The following NEDD9 variants were observed in gnomAD, a reference collection of about 807,000 sequenced individuals.
NEDD9 encodes the protein neural precursor cell expressed, developmentally down-regulated 9.
Under a neutral mutation model 76.6 loss-of-function variants are expected in NEDD9, and 26 were observed. That is an observed-to-expected ratio of 0.34 (90% confidence interval 0.25 to 0.47). The LOEUF is 0.47. Ranked by LOEUF, NEDD9 falls within the 20% of genes least tolerant of loss-of-function variation. The pLI is 1.00. For missense variants in NEDD9, 937 were observed against 1,058.5 expected, an observed-to-expected ratio of 0.89 and a Z score of 1.59; for synonymous variants, 392 against 414.2, an observed-to-expected ratio of 0.95 and a Z score of 0.65.
In NEDD9 at chr6:11,265,009, G is replaced by C. The variant is rs116078068; in HGVS notation, c.12+40983C>G. Among the ~76,000 whole-genome samples the C allele has an allele frequency of 8.8e-3, 1,339 of 152,272 alleles. 13 individuals are homozygous for C. Among genetic ancestry groups the C allele is most frequent in the Non-Finnish European group, 0.016 (1,090 of 68,014 alleles). ...CCACTGCTCCCAGCCAGCTCTATAGGTTTTGCACATTTTCTTAAATTATAG... is the reference window on the plus strand; with the variant it reads ...CCACTGCTCCCAGCCAGCTCTATAGCTTTTGCACATTTTCTTAAATTATAG... On this transcript the variant is annotated intron_variant, in intron 3 of 3. Transcript: ENST00000397378.
intron 1 of NEDD9, among the ~76,000 whole-genome samples, chr6:11,373,966 T>C (rs62395343): frequency 0.046 from 6,973 of 152,166 alleles, 258 homozygotes; most frequent in Non-Finnish European, 0.07. Flanking sequence ...TCTTCCCTGA[T>C]CTCCAGCTTG....
chr6:11,338,982 T>A (rs1762220577), intron 1 of NEDD9, among the ~76,000 whole-genome samples: 2 of 152,046 alleles, frequency 1.3e-5, no homozygotes, highest in Admixed American at 1.3e-4. Context: ...TCTTTTTTAA[T>A]TTTTTCAACC....
At position 11,205,597 on chromosome 6, in the gene NEDD9, C is replaced by A. The variant is rs535917323; in HGVS notation, c.459+7684G>T. On this transcript the variant is annotated intron_variant, in intron 2 of 6. Coordinates refer to ENST00000379446, the MANE Select transcript of NEDD9 (RefSeq NM_006403.4). Reference sequence around the variant, plus strand: ...TCCCTTTAAAGAGAGGACTCCTTGGCACTCTTCAAATGTTACTGGAGTTAC... The same window carrying A: ...TCCCTTTAAAGAGAGGACTCCTTGGAACTCTTCAAATGTTACTGGAGTTAC... Among the ~76,000 whole-genome samples, 5 of 151,702 alleles carry A rather than the reference C, an allele frequency of 3.3e-5. No homozygotes were observed. The South Asian group carries it at 8.3e-4, about 25-fold the overall frequency.
intron 1 of NEDD9, among the ~76,000 whole-genome samples, chr6:11,340,492 G>T (rs148682766): frequency 3.3e-5 from 5 of 152,098 alleles, no homozygotes; most frequent in Non-Finnish European, 1.5e-5. Flanking sequence ...TCATTTAATC[G>T]TCATAATATC....
chr6:11,308,064 T>A (rs1478985689), intron 2 of NEDD9, among the ~76,000 whole-genome samples: 1 of 152,162 alleles, frequency 6.6e-6, no homozygotes, highest in Non-Finnish European at 1.5e-5. Flanking sequence ...CTGGTCTTTG[T>A]GGGCTCTTCC....
At chr6:11,239,657 A>G (rs1239868754) in intron 3 of NEDD9, among the ~76,000 whole-genome samples, 1 of 152,208 alleles carries the variant, frequency 6.6e-6, no homozygotes, top group Non-Finnish European at 1.5e-5. Context: ...AAGAGACCTC[A>G]TGAAGGCTAC....
intron 3 of NEDD9, among the ~76,000 whole-genome samples, chr6:11,269,017 G>A (rs1028954306): frequency 2.6e-5 from 4 of 152,080 alleles, no homozygotes; most frequent in East Asian, 3.8e-4. Flanking sequence ...TTTTCCTCTC[G>A]TCTTAAAACA....
intron 2 of NEDD9, among the ~76,000 whole-genome samples, chr6:11,313,214 T>TGATG (rs149380871): frequency 4.0e-5 from 6 of 151,774 alleles, no homozygotes; most frequent in African/African-American, 7.3e-5. Flanking sequence ...GGTAGATATA[T>TGATG]GATGGATGGA....
Position 11,222,544 on chromosome 6 carries a change from G to A in NEDD9, c.13-8817C>T, listed in dbSNP as rs1165760588. The stretch of plus-strand genomic sequence containing the variant: ...AACCTTCATTGTGAAATTGTTCAGT[G>A]CCGAGGTGGAGAGACAAGCTCTTAC... On this transcript the variant is annotated intron_variant, in intron 1 of 6. Coordinates refer to ENST00000379446, the MANE Select transcript of NEDD9 (RefSeq NM_006403.4). 2.6e-5 allele frequency among the ~76,000 whole-genome samples: 4 copies of A among 152,352 alleles called. No homozygotes were observed. The East Asian group carries it at 7.7e-4, about 29-fold the overall frequency.
chr6:11,284,193 A>G (rs1202281961), intron 3 of NEDD9, among the ~76,000 whole-genome samples: 1 of 152,124 alleles, frequency 6.6e-6, no homozygotes, highest in Non-Finnish European at 1.5e-5. Flanking sequence ...GATGTCTGAC[A>G]TAGCATCTTA....
chr6:11,364,298 G>A (rs533081534), intron 1 of NEDD9, among the ~76,000 whole-genome samples: 8 of 152,248 alleles, frequency 5.3e-5, no homozygotes, highest in East Asian at 3.9e-4. Context: ...AGGACTCTTG[G>A]TAGCTCATGT....
Position 11,213,371 on chromosome 6 carries a change from G to A in NEDD9, c.369C>T (p.Gly123=), listed in dbSNP as rs1758843219. 6.2e-7 allele frequency: 1 copy of A among 1,613,968 alleles called. No homozygotes were observed. The highest frequency in any genetic ancestry group is 8.5e-7 in the Non-Finnish European group (1 of 1,180,034). Residue 123 remains glycine, a synonymous_variant, in exon 2 of 7, where the codon GGC becomes GGT. Coordinates refer to ENST00000379446, the MANE Select transcript of NEDD9 (RefSeq NM_006403.4). The surrounding 1 kb of genome is among the most constrained non-coding windows in gnomAD (Gnocchi z 5.4). ...ATACCTCTTGTTCTTGGGTGCCGTG[G>A]CCAGTGGGGACTTGGTAAATTCCCT... is the stretch of plus-strand genomic sequence containing the variant. ...QNQGIYQVPT[G]HGTQEQEVYQ... is the part of the protein sequence containing the mutation.
At chr6:11,186,117 C>T (rs888078665) in intron 6 of NEDD9, among the ~76,000 whole-genome samples, 6 of 152,180 alleles carry the variant, frequency 3.9e-5, no homozygotes, top group East Asian at 3.9e-4. Context: ...TGCTCCTTCT[C>T]GGAGAAAGCC....
upstream of NEDD9, chr6:11,233,249 G>A: frequency 1.9e-6 from 1 of 518,788 alleles, no homozygotes; most frequent in Non-Finnish European, 3.8e-6. Context: ...AGTACTTTGC[G>A]ATGTCAGTCT....
intron 1 of NEDD9, among the ~76,000 whole-genome samples, chr6:11,368,196 G>A (rs1316286367): frequency 5.9e-5 from 9 of 152,132 alleles, no homozygotes; most frequent in Non-Finnish European, 8.8e-5. Context: ...CAGGGCTGGG[G>A]GGTACCCAGA....
intron 1 of NEDD9, among the ~76,000 whole-genome samples, chr6:11,378,936 G>A (rs1763013939): frequency 6.6e-6 from 1 of 152,220 alleles, no homozygotes; most frequent in African/African-American, 2.4e-5. Context: ...ACCATACAAT[G>A]GAGCTTGTGT....
chr6:11,215,945 A>C (rs115172736), intron 1 of NEDD9, among the ~76,000 whole-genome samples: 2 of 152,196 alleles, frequency 1.3e-5, no homozygotes, highest in Non-Finnish European at 2.9e-5. Context: ...GGAGCACCGG[A>C]GCATGCTTGA....
chr6:11,263,513 T>G (rs1760151204), intron 3 of NEDD9, among the ~76,000 whole-genome samples: 1 of 152,254 alleles, frequency 6.6e-6, no homozygotes, highest in South Asian at 2.1e-4. Context: ...TTAATCTGTC[T>G]GGCGCATGGA....
At chr6:11,317,236 C>G (rs1310016778) in intron 2 of NEDD9, among the ~76,000 whole-genome samples, 2 of 151,998 alleles carry the variant, frequency 1.3e-5, no homozygotes, top group Non-Finnish European at 2.9e-5. Context: ...AGTTTGAGAC[C>G]AGCCTGGCCA....
Sources: gnomAD v4.1 joint callset for allele counts (sites outside exome capture counted in the v4.1 genomes callset) on GRCh38, gnomAD v4.1.1 for gene constraint, Gnocchi (gnomAD v3.1) non-coding constraint, MANE v1.5 for transcripts, NCBI Gene and HGNC (gene_info 2026-07-23, HGNC 2026-07-21) for gene names.